NTM: variants seen among roughly 807,000 people sequenced by gnomAD.
The protein encoded by NTM is IgLON family member 2.
In NTM, 13 loss-of-function variants were observed where a neutral mutation model predicts 42.1. The observed-to-expected ratio is 0.31, with a 90% CI of 0.20 to 0.49. NTM has a LOEUF of 0.49. NTM is among the 20% of genes least tolerant of loss of function. The pLI is 0.99. For synonymous variants in NTM, 187 were observed against 179.2 expected (o/e 1.04, Z -0.35); for missense variants, 373 against 452.8 (o/e 0.82, Z 1.60).
intron 2 of NTM, among the ~76,000 whole-genome samples, chr11:132,072,131 C>G (rs1475284106): frequency 6.6e-6 from 1 of 152,182 alleles, no homozygotes; most frequent in East Asian, 1.9e-4. Context: ...GGCAGCATAA[C>G]TCTGTGAATG....
chr11:131,620,647 C>T (rs1025620094), intron 1 of NTM, among the ~76,000 whole-genome samples: 3 of 152,170 alleles, frequency 2.0e-5, no homozygotes, highest in African/African-American at 4.8e-5. Flanking sequence ...TGCTCTTGCC[C>T]CTGAAATACA....
chr11:131,589,562 TC>T (rs908636949), intron 1 of NTM, among the ~76,000 whole-genome samples: 2 of 152,210 alleles, frequency 1.3e-5, no homozygotes, highest in Non-Finnish European at 2.9e-5. Flanking sequence ...AGTGTTTTTC[TC>T]CCCTCTGGCT....
In NTM at chr11:131,744,443, A is replaced by G. The variant is rs1219896900; in HGVS notation, c.83-167121A>G. ...CTCCTTCCTACTCAAGTTAATAAAA[A>G]CATAAAAGGAATGACTGTCATTAGA... On this transcript the variant is annotated intron_variant, in intron 1 of 8. Coordinates refer to ENST00000683400, the MANE Select transcript of NTM (RefSeq NM_001352005.2). 5.9e-5 allele frequency among the ~76,000 whole-genome samples: 9 copies of G among 152,160 alleles called. No homozygotes were observed. The East Asian group carries it at 1.7e-3, about 29-fold the overall frequency.
intron 1 of NTM, among the ~76,000 whole-genome samples, chr11:131,685,811 C>T (rs1314600168): frequency 6.6e-6 from 1 of 152,226 alleles, no homozygotes; most frequent in African/African-American, 2.4e-5. Context: ...GTTTTGTTCA[C>T]TTTTTCACCC....
At chr11:131,710,198 C>T (rs1383386024) in intron 1 of NTM, among the ~76,000 whole-genome samples, 1 of 152,204 alleles carries the variant, frequency 6.6e-6, no homozygotes, top group Non-Finnish European at 1.5e-5. Context: ...CAACTCTCAA[C>T]TCTTTCTATG....
chr11:131,945,235 G>A (rs1435108387), intron 2 of NTM, among the ~76,000 whole-genome samples: 1 of 152,176 alleles, frequency 6.6e-6, no homozygotes, highest in Non-Finnish European at 1.5e-5. Flanking sequence ...AGCATCTCCT[G>A]TCTCACGCAC....
At chr11:132,098,277 T>TC (rs2061254534) in intron 2 of NTM, among the ~76,000 whole-genome samples, 3 of 76,400 alleles carry the variant, frequency 3.9e-5, no homozygotes, top group Non-Finnish European at 3.0e-5. Context: ...AATTAGTATA[T>TC]TCCCCCAAAA....
intron 1 of NTM, among the ~76,000 whole-genome samples, chr11:131,819,925 A>G (rs938328676): frequency 6.6e-6 from 1 of 152,166 alleles, no homozygotes; most frequent in African/African-American, 2.4e-5. Flanking sequence ...AATTTCACCC[A>G]GATAATTGAT....
intron 1 of NTM, among the ~76,000 whole-genome samples, chr11:131,488,602 T>G (rs1398819016): frequency 6.6e-6 from 1 of 152,190 alleles, no homozygotes; most frequent in Non-Finnish European, 1.5e-5. Context: ...GTGCAGCATG[T>G]GCATACAGGG....
intron 1 of NTM, among the ~76,000 whole-genome samples, chr11:131,809,241 T>C (rs2136295143): frequency 6.6e-6 from 1 of 152,316 alleles, no homozygotes; most frequent in Middle Eastern, 3.4e-3. Context: ...ATTATATGTA[T>C]ACCATGCAAT....
rs529612626 is a variant in NTM at position 131,632,673 on chromosome 11, C to CTTTTTTTTTTTTTTT, written c.82+261790_82+261804dup. ...TTTCATCTTGGTCATGCTCGGGCAG[C>CTTTTTTTTTTTTTTT]TTTTTTTTTTTTTTTTTTTGAGACG... On this transcript the variant is annotated intron_variant, in intron 1 of 8. Transcript: ENST00000683400. Among the ~76,000 whole-genome samples the CTTTTTTTTTTTTTTT allele has an allele frequency of 2.0e-4, 17 of 83,092 alleles. 2 individuals carry two copies. Among genetic ancestry groups the CTTTTTTTTTTTTTTT allele is most frequent in the Non-Finnish European group, 2.7e-4 (13 of 47,370 alleles). 54.5% of individuals were successfully genotyped at this position (83,092 alleles called of 152,430 possible).
intron 2 of NTM, among the ~76,000 whole-genome samples, chr11:132,072,890 G>A (rs2057885584): frequency 1.3e-5 from 2 of 152,074 alleles, no homozygotes; most frequent in East Asian, 3.9e-4. Flanking sequence ...GAGGAATAGG[G>A]GTTTTCTCCT....
chr11:131,859,981 A>C (rs1359674199), intron 1 of NTM, among the ~76,000 whole-genome samples: 1 of 152,110 alleles, frequency 6.6e-6, no homozygotes, highest in Non-Finnish European at 1.5e-5. Flanking sequence ...CCTTGGCAGA[A>C]AGGAACATGT....
At chr11:131,974,233 T>C (rs897692872) in intron 2 of NTM, among the ~76,000 whole-genome samples, 7 of 152,166 alleles carry the variant, frequency 4.6e-5, no homozygotes, top group African/African-American at 1.7e-4. Context: ...TTTTCAACTA[T>C]ATGGGGGCTT....
rs117602016 is a variant in NTM, at chr11:132,092,580, G to A, written c.168-53702G>A. Among the ~76,000 whole-genome samples, 80 of 152,258 alleles carry A rather than the reference G, an allele frequency of 5.3e-4. 2 individuals are homozygous for A. Among genetic ancestry groups the A allele is most frequent in the East Asian group, 4.1e-3 (21 of 5,178 alleles). ...ACAGCAGTATTGGTGTCCCCCAGGC[G>A]TTGCTTGTTGAGTCCATCATGCTCC... On this transcript the variant is annotated intron_variant, in intron 2 of 8. Coordinates refer to ENST00000683400, the MANE Select transcript of NTM (RefSeq NM_001352005.2).
intron 2 of NTM, among the ~76,000 whole-genome samples, chr11:132,144,202 A>G (rs2069820432): frequency 1.3e-5 from 2 of 152,128 alleles, no homozygotes; most frequent in African/African-American, 4.8e-5. Context: ...ATGTCTAGAT[A>G]TGAACTTCTA....
At chr11:131,643,394 C>A (rs139219401) in intron 1 of NTM, among the ~76,000 whole-genome samples, 1 of 152,280 alleles carries the variant, frequency 6.6e-6, no homozygotes, top group African/African-American at 2.4e-5. Context: ...GTGCGCGGAG[C>A]GGCCCAGCAT....
chr11:131,478,891 C>T (rs1953246107), intron 1 of NTM, among the ~76,000 whole-genome samples: 1 of 152,222 alleles, frequency 6.6e-6, no homozygotes, highest in African/African-American at 2.4e-5. Flanking sequence ...CAGTCTGGTT[C>T]TTTACTTGGT....
chr11:131,809,715 C>A (rs1249268566), intron 1 of NTM, among the ~76,000 whole-genome samples: 2 of 152,166 alleles, frequency 1.3e-5, no homozygotes, highest in African/African-American at 4.8e-5. Context: ...TGGTGACAAC[C>A]AGCAATTTCT....
Sources: allele counts gnomAD v4.1 joint callset (sites outside exome capture counted in the v4.1 genomes callset), GRCh38; gene constraint gnomAD v4.1.1; transcripts MANE v1.5; gene names NCBI Gene and HGNC (gene_info 2026-07-23, HGNC 2026-07-21).